MCTP2: variants seen among roughly 807,000 people sequenced by gnomAD.
The protein encoded by MCTP2 is multiple C2 and transmembrane domain-containing protein 2.
MCTP2 carries 132 observed loss-of-function variants against 111.6 expected under a neutral mutation model. The ratio of observed to expected loss-of-function variants is 1.18; its 90% CI spans 1.03 to 1.37. MCTP2 has a LOEUF of 1.37. Ranked by LOEUF, MCTP2 falls within the 40% of genes most tolerant of loss-of-function variation. The pLI is 0.00. For missense variants in MCTP2, 1,183 were observed against 1,067.9 expected, an observed-to-expected ratio of 1.11 and a Z score of -1.50; for synonymous variants, 395 against 387.7, an observed-to-expected ratio of 1.02 and a Z score of -0.22.
chr15:94,393,026 G>T (rs1431587340), intron 14 of MCTP2, among the ~76,000 whole-genome samples: 1 of 151,932 alleles, frequency 6.6e-6, no homozygotes, highest in Non-Finnish European at 1.5e-5. Flanking sequence ...TAACAAATAT[G>T]AAATTATGCA....
chr15:94,299,361 T>C (rs1419636629), intron 2 of MCTP2, among the ~76,000 whole-genome samples: 1 of 152,228 alleles, frequency 6.6e-6, no homozygotes, highest in East Asian at 1.9e-4. Context: ...TGCCCAGTCA[T>C]ACCTGTAGAA....
chr15:94,423,155 G>A (rs1182601904), intron 17 of MCTP2, among the ~76,000 whole-genome samples: 1 of 152,156 alleles, frequency 6.6e-6, no homozygotes, highest in Non-Finnish European at 1.5e-5. Context: ...TGTCTTCCAA[G>A]TGATTTTCTT....
intron 14 of MCTP2, among the ~76,000 whole-genome samples, chr15:94,397,102 T>A (rs748173959): frequency 5.9e-5 from 9 of 152,222 alleles, no homozygotes; most frequent in Non-Finnish European, 1.0e-4. Context: ...CTGCAATTTT[T>A]AAACTTTTTA....
intron 4 of MCTP2, 24 bp downstream of exon 4, chr15:94,315,661 G>A (rs1219783933): frequency 6.5e-7 from 1 of 1,539,180 alleles, no homozygotes; most frequent in Admixed American, 1.7e-5. Context: ...CTGTTATGGT[G>A]GGTGTAGCCT....
chr15:94,423,970 ACTT>A (rs1596661776), intron 17 of MCTP2, among the ~76,000 whole-genome samples: 2 of 152,266 alleles, frequency 1.3e-5, no homozygotes, highest in Admixed American at 6.5e-5. Flanking sequence ...TTCTTTCTCT[ACTT>A]CTTTGTAATT....
chr15:94,323,821 T>A (rs1047821273), intron 4 of MCTP2, among the ~76,000 whole-genome samples: 10 of 152,190 alleles, frequency 6.6e-5, no homozygotes, highest in Non-Finnish European at 1.2e-4. Flanking sequence ...TGTGTTCATC[T>A]GACCCTCCCT....
At chr15:94,324,628 C>G (rs977109513) in intron 4 of MCTP2, among the ~76,000 whole-genome samples, 5 of 152,058 alleles carry the variant, frequency 3.3e-5, no homozygotes, top group African/African-American at 1.2e-4. Flanking sequence ...GTTTCTAGAG[C>G]AATGGCAGCT....
At chr15:94,233,714 A>C (rs2070349562) in intron 1 of MCTP2, among the ~76,000 whole-genome samples, 1 of 152,188 alleles carries the variant, frequency 6.6e-6, no homozygotes, top group South Asian at 2.1e-4. Context: ...ACTTTTGCAT[A>C]AAGGATTTAT....
At position 94,298,661 on chromosome 15, in the gene MCTP2, G is replaced by C; in HGVS notation, c.396G>C (p.Arg132=). 1.2e-6 allele frequency: 2 copies of C among 1,613,784 alleles called. No homozygotes were observed. The highest frequency in any genetic ancestry group is 1.7e-6 in the Non-Finnish European group (2 of 1,179,928). Residue 132 remains arginine (R), a synonymous_variant, in exon 2 of 23, where the codon CGG becomes CGC. Coordinates refer to ENST00000357742, the MANE Select transcript of MCTP2 (RefSeq NM_001385001.1). ...EAYASPAERR[R]VSSNGIFDLQ... is the part of the protein sequence containing the mutation. The stretch of plus-strand genomic sequence containing the variant: ...ATGCCTCTCCTGCTGAGCGGAGACG[G>C]GTGTCCAGCAACGGCATCTTTGATC...
intron 1 of MCTP2, among the ~76,000 whole-genome samples, chr15:94,234,846 T>C (rs559930286): frequency 2.0e-5 from 3 of 152,304 alleles, no homozygotes; most frequent in African/African-American, 7.2e-5. Context: ...GTTATAGGCT[T>C]GCATAGAGAT....
rs937465243 is a variant in MCTP2, at chr15:94,434,842, T to C, written c.2086-5334T>C. Among the ~76,000 whole-genome samples the C allele has an allele frequency of 4.0e-5, 6 of 148,760 alleles. No individual in the cohort carries two copies. The South Asian group carries it at 8.4e-4, about 21-fold the overall frequency. ...TATTGCATGCCATTTGCATTTTCTC[T>C]TTCTTTCTTTCTTTCTTTTTTTTTT... On this transcript the variant is annotated intron_variant, in intron 17 of 22. Coordinates refer to ENST00000357742, the MANE Select transcript of MCTP2 (RefSeq NM_001385001.1).
At chr15:94,463,007 G>A (rs920582968) in intron 20 of MCTP2, among the ~76,000 whole-genome samples, 2 of 152,124 alleles carry the variant, frequency 1.3e-5, no homozygotes, top group Non-Finnish European at 1.5e-5. Context: ...CACTAAAATT[G>A]TGGGTCGCTG....
chr15:94,318,272 ATTTT>A (rs199556945), intron 4 of MCTP2, among the ~76,000 whole-genome samples: 1 of 143,130 alleles, frequency 7.0e-6, no homozygotes, highest in African/African-American at 2.6e-5. Context: ...CAAAAAAAAA[ATTTT>A]TTTTTTTTTT....
chr15:94,274,350 C>A (rs1171267773), intron 1 of MCTP2, among the ~76,000 whole-genome samples: 1 of 151,670 alleles, frequency 6.6e-6, no homozygotes, highest in Admixed American at 6.6e-5. Context: ...TTTTCAATGT[C>A]AATAGTTTAG....
chr15:94,477,378 G>C (rs531637403), intron 22 of MCTP2, among the ~76,000 whole-genome samples: 10 of 152,262 alleles, frequency 6.6e-5, no homozygotes, highest in African/African-American at 2.4e-4. Context: ...TGGTCACCTA[G>C]TCCAGCAGTG....
chr15:94,390,803 C>T (rs2080921095), intron 14 of MCTP2, among the ~76,000 whole-genome samples: 1 of 139,812 alleles, frequency 7.2e-6, no homozygotes, highest in Non-Finnish European at 1.5e-5. Context: ...GATCTTGGCT[C>T]ACTGCAACCT....
At chr15:94,239,780 A>G (rs2070805665) in intron 1 of MCTP2, among the ~76,000 whole-genome samples, 1 of 152,240 alleles carries the variant, frequency 6.6e-6, no homozygotes, top group African/African-American at 2.4e-5. Flanking sequence ...CTCTGTTAAT[A>G]TTTGAACCAA....
intron 17 of MCTP2, among the ~76,000 whole-genome samples, chr15:94,405,426 T>C (rs1301267086): frequency 6.6e-6 from 1 of 152,194 alleles, no homozygotes; most frequent in Non-Finnish European, 1.5e-5. Flanking sequence ...CATAATCGTA[T>C]CTTGTTGAAA....
At chr15:94,299,430 C>T (rs930338995) in intron 2 of MCTP2, among the ~76,000 whole-genome samples, 12 of 152,080 alleles carry the variant, frequency 7.9e-5, no homozygotes, top group African/African-American at 2.9e-4. Context: ...CTTTGACTGC[C>T]TTAGGATTTG....
Sources: allele counts gnomAD v4.1 joint callset (sites outside exome capture counted in the v4.1 genomes callset), GRCh38; gene constraint gnomAD v4.1.1; transcripts MANE v1.5; gene names NCBI Gene and HGNC (gene_info 2026-07-23, HGNC 2026-07-21).